CDK13: variants seen among roughly 807,000 people sequenced by gnomAD.
CDK13 encodes cyclin-dependent kinase 13.
CDK13 carries 40 observed loss-of-function variants against 137.6 expected under a neutral mutation model. The ratio of observed to expected loss-of-function variants is 0.29; its 90% CI spans 0.23 to 0.38. The LOEUF is 0.38. Ranked by LOEUF, CDK13 falls within the 10% of genes least tolerant of loss-of-function variation. The pLI is 1.00. For missense variants in CDK13, 1,704 were observed against 1,951.8 expected (o/e 0.87, Z 2.39); for synonymous variants, 869 against 760.1 (o/e 1.14, Z -2.36).
chr7:39,960,099 C>CT (rs974110838), intron 1 of CDK13, among the ~76,000 whole-genome samples: 1 of 143,582 alleles, frequency 7.0e-6, no homozygotes, highest in Non-Finnish European at 1.5e-5. Flanking sequence ...TTCCAGTGGT[C>CT]TTTTGGTCCA....
chr7:39,990,963 T>C (rs749227201), intron 2 of CDK13, among the ~76,000 whole-genome samples: 4 of 152,240 alleles, frequency 2.6e-5, no homozygotes, highest in South Asian at 4.1e-4. Flanking sequence ...TTGTATAATA[T>C]ATAAACCATT....
chr7:39,961,238 A>G (rs1369605600), intron 1 of CDK13, among the ~76,000 whole-genome samples: 3 of 151,976 alleles, frequency 2.0e-5, no homozygotes, highest in African/African-American at 7.3e-5. Flanking sequence ...GTGTGCCTGT[A>G]GACCCCAACT....
chr7:40,061,743 T>C (rs1786153070), intron 7 of CDK13: 2 of 152,204 alleles, frequency 1.3e-5, no homozygotes, highest in Non-Finnish European at 2.9e-5. Flanking sequence ...TCTGACTACT[T>C]AGGATTCTCT....
chr7:40,011,094 CA>C (rs149655209), intron 5 of CDK13, among the ~76,000 whole-genome samples: 6,060 of 152,230 alleles, frequency 0.04, 359 homozygotes, highest in African/African-American at 0.13. Context: ...ATATTCAACA[CA>C]ATTCCTATCA....
chr7:39,976,722 A>G (rs1285006639), intron 1 of CDK13, among the ~76,000 whole-genome samples: 5 of 152,300 alleles, frequency 3.3e-5, no homozygotes, highest in East Asian at 3.9e-4. Flanking sequence ...GAGATTAACA[A>G]CAATAATAAA....
intron 4 of CDK13, among the ~76,000 whole-genome samples, 174 bp from the exon 5 acceptor site, chr7:40,001,683 TGACA>T (rs756105777): frequency 7.2e-5 from 11 of 152,350 alleles, no homozygotes; most frequent in South Asian, 4.1e-4. Flanking sequence ...ATTTGTTTAA[TGACA>T]GACTTAATTT....
At chr7:40,071,448 A>G (rs1174777482) in intron 9 of CDK13, 1 of 152,172 alleles carries the variant, frequency 6.6e-6, no homozygotes, top group East Asian at 1.9e-4. Context: ...TTTTTGGATA[A>G]TGGTGCATAT....
chr7:39,969,524 G>C (rs1783948597), intron 1 of CDK13, among the ~76,000 whole-genome samples: 1 of 152,186 alleles, frequency 6.6e-6, no homozygotes, highest in Admixed American at 6.6e-5. Context: ...TCTTGAATAA[G>C]TTAGGAGAGG....
At chr7:40,061,899 G>A (rs979735820) in intron 7 of CDK13, 11 of 152,194 alleles carry the variant, frequency 7.2e-5, no homozygotes, top group African/African-American at 2.7e-4. Context: ...AGAGGTAGCA[G>A]TATATTTATG....
chr7:40,073,829 A>T (rs560014802), intron 9 of CDK13: 8 of 150,510 alleles, frequency 5.3e-5, no homozygotes, highest in Non-Finnish European at 8.8e-5. Flanking sequence ...CGACCTTGTG[A>T]TCTGCCCACC....
At chr7:39,989,257 C>G (rs756996550) in intron 2 of CDK13, among the ~76,000 whole-genome samples, 10 of 151,416 alleles carry the variant, frequency 6.6e-5, no homozygotes, top group Non-Finnish European at 1.2e-4. Context: ...TTTTTTGTAT[C>G]CTAGTGTAGA....
intron 11 of CDK13, among the ~76,000 whole-genome samples, chr7:40,082,239 A>G (rs970864338): frequency 2.6e-5 from 4 of 152,114 alleles, no homozygotes; most frequent in Admixed American, 6.5e-5. Context: ...CTGTAATCCC[A>G]GCACTTTGGG....
intron 7 of CDK13, among the ~76,000 whole-genome samples, chr7:40,058,557 A>T (rs1786071011): frequency 7.0e-6 from 1 of 143,344 alleles, no homozygotes; most frequent in Admixed American, 6.9e-5. Flanking sequence ...AAAATAATAA[A>T]AACAAAAACG....
intron 5 of CDK13, 75 bp from the exon 6 acceptor site, chr7:40,045,761 T>C: frequency 1.0e-6 from 1 of 983,516 alleles, no homozygotes; most frequent in African/African-American, 1.6e-5. Flanking sequence ...ACCAGCCTTT[T>C]ATTGTTAAAA....
At chr7:40,080,957 C>T (rs1282161696) in intron 11 of CDK13, among the ~76,000 whole-genome samples, 4 of 151,858 alleles carry the variant, frequency 2.6e-5, no homozygotes, top group Non-Finnish European at 4.4e-5. Flanking sequence ...GGTCAATCCA[C>T]ATTCAGATTT....
intron 5 of CDK13, among the ~76,000 whole-genome samples, chr7:40,010,339 G>T (rs1784869771): frequency 6.6e-6 from 1 of 152,148 alleles, no homozygotes; most frequent in African/African-American, 2.4e-5. Flanking sequence ...CTGCTGATCT[G>T]ACAGAAGGCG....
At position 39,950,578 on chromosome 7, in the gene CDK13, A is replaced by G. The variant is rs1583890469; in HGVS notation, c.-64A>G. The G allele has an allele frequency of 7.9e-7, 1 of 1,266,432 alleles. No homozygotes were observed. Among genetic ancestry groups the G allele is most frequent in the East Asian group, 3.2e-5 (1 of 31,654 alleles). 78.4% of individuals were successfully genotyped at this position (1,266,432 alleles called of 1,614,324 possible). On this transcript the variant is annotated 5_prime_UTR_variant, in exon 1 of 14. The change abolishes an upstream ATG in the 5' untranslated region. Transcript: ENST00000181839. ...GCCGCTCCCGTTTCCGGCGGGGGAG[A>G]TGGCCAGGATCTGACCCGGGAGGAG...
intron 1 of CDK13, among the ~76,000 whole-genome samples, chr7:39,972,145 A>G (rs1026844039): frequency 1.3e-5 from 2 of 152,346 alleles, no homozygotes; most frequent in South Asian, 4.1e-4. Context: ...ATTTATGCTC[A>G]GTGGACTAGA....
Position 39,951,836 on chromosome 7 carries a change from T to C in CDK13, c.1195T>C (p.Tyr399His). The C allele has an allele frequency of 7.0e-7, 1 of 1,435,246 alleles. No individual in the cohort carries two copies. Among genetic ancestry groups the C allele is most frequent in the Non-Finnish European group, 9.1e-7 (1 of 1,100,900 alleles). 88.9% of individuals were successfully genotyped at this position (1,435,246 alleles called of 1,614,324 possible). A position where few individuals can be genotyped will look rare whatever the true frequency, so the allele number is the denominator to read the frequency against. Residue 399 changes from tyrosine to histidine, a missense_variant, in exon 1 of 14, where the codon TAC becomes CAC. By Grantham distance (83) the Tyr-to-His change is moderately conservative. This residue lies in a region of CDK13 where 1,051 missense variants were observed against 931.0 expected (regional missense o/e 1.13). Coordinates refer to ENST00000181839, the MANE Select transcript of CDK13 (RefSeq NM_003718.5). ...CAGCTGGCGCCGCTCTCGCAGTCCC[T>C]ACAGCCCTGTGCTCAGGTGAGTTCT... ...SSSWRRSRSPYSPVLRRSGKS... is the reference protein window; with the variant it reads ...SSSWRRSRSPHSPVLRRSGKS...
Sources: gnomAD v4.1 joint callset for allele counts (sites outside exome capture counted in the v4.1 genomes callset) on GRCh38, gnomAD v4.1.1 for gene constraint, gnomAD v4.1.1 regional missense constraint, MANE v1.5 for transcripts, NCBI Gene and HGNC (gene_info 2026-07-23, HGNC 2026-07-21) for gene names.